The following RAD51B variants were observed in gnomAD, a reference collection of about 807,000 sequenced individuals.
RAD51B encodes RAD51 paralog B.
A neutral mutation model predicts 42.2 loss-of-function variants in RAD51B; 38 were observed. The observed-to-expected ratio is 0.90, with a 90% CI of 0.70 to 1.18. The LOEUF (loss-of-function observed/expected upper bound fraction) is 1.18, where lower values mean the gene tolerates loss of function less well. Ranked by LOEUF, RAD51B falls within the 50% of genes most tolerant of loss-of-function variation. The pLI, the probability that RAD51B is intolerant of heterozygous loss-of-function variation, is 0.00. For synonymous variants in RAD51B, 154 were observed against 145.2 expected, an observed-to-expected ratio of 1.06 and a Z score of -0.43; for missense variants, 373 against 400.7, an observed-to-expected ratio of 0.93 and a Z score of 0.59.
intron 7 of RAD51B, among the ~76,000 whole-genome samples, chr14:68,144,466 T>G (rs1333558707): frequency 6.6e-6 from 1 of 152,260 alleles, no homozygotes; most frequent in African/African-American, 2.4e-5. Context: ...TTGCACAGAC[T>G]GACTTTGTGG....
At chr14:68,234,327 G>C (rs111435637) in intron 7 of RAD51B, among the ~76,000 whole-genome samples, 1,977 of 152,314 alleles carry the variant, frequency 0.013, 46 homozygotes, top group African/African-American at 0.045. Context: ...CATTCAGGTG[G>C]AGAAGTCCAA....
At chr14:68,143,587 G>A (rs2078183037) in intron 7 of RAD51B, among the ~76,000 whole-genome samples, 1 of 152,146 alleles carries the variant, frequency 6.6e-6, no homozygotes, top group Admixed American at 6.5e-5. Context: ...CTTATTTTGA[G>A]CTCCCCCCAT....
intron 7 of RAD51B, among the ~76,000 whole-genome samples, chr14:68,229,343 T>C (rs1298686905): frequency 2.0e-5 from 3 of 152,230 alleles, no homozygotes; most frequent in Non-Finnish European, 4.4e-5. Context: ...CATGGAACTC[T>C]TGGCAATTAG....
intron 10 of RAD51B, among the ~76,000 whole-genome samples, chr14:68,608,232 C>T (rs1891531657): frequency 6.6e-6 from 1 of 152,246 alleles, no homozygotes; most frequent in African/African-American, 2.4e-5. Context: ...GAAGAGCAAA[C>T]AACTCCAAAC....
chr14:68,538,259 G>A (rs1333513988), intron 10 of RAD51B, among the ~76,000 whole-genome samples: 1 of 152,192 alleles, frequency 6.6e-6, no homozygotes, highest in African/African-American at 2.4e-5. Flanking sequence ...CAGCCAAGGG[G>A]AGGCTGTTTG....
At chr14:68,612,103 G>C (rs931045711), downstream of RAD51B, among the ~76,000 whole-genome samples, 1 of 152,184 alleles carries the variant, frequency 6.6e-6, no homozygotes, top group South Asian at 2.1e-4. Context: ...ACACAACTTG[G>C]GACAGAAAAA....
At chr14:68,320,070 T>C (rs9323505) in intron 8 of RAD51B, among the ~76,000 whole-genome samples, 22,928 of 152,222 alleles carry the variant, frequency 0.15, 2,472 homozygotes, top group African/African-American at 0.31. Flanking sequence ...ATTGTACTAC[T>C]GCATGTGATG....
intron 5 of RAD51B, among the ~76,000 whole-genome samples, chr14:67,879,073 C>T (rs2042822133): frequency 6.6e-6 from 1 of 152,056 alleles, no homozygotes; most frequent in Non-Finnish European, 1.5e-5. Context: ...ACCAGTAGAA[C>T]ATATATTAAG....
intron 10 of RAD51B, among the ~76,000 whole-genome samples, chr14:68,567,672 C>T (rs1053420025): frequency 1.3e-5 from 2 of 152,172 alleles, no homozygotes; most frequent in Non-Finnish European, 2.9e-5. Flanking sequence ...CTGTTTTCTA[C>T]CCCAGTCATC....
chr14:68,473,406 A>C (rs948874239), intron 10 of RAD51B, among the ~76,000 whole-genome samples: 1 of 152,188 alleles, frequency 6.6e-6, no homozygotes, highest in Non-Finnish European at 1.5e-5. Flanking sequence ...CCTGCCTCTT[A>C]GTGTGGGACC....
chr14:68,589,838 A>C (rs774224906), intron 10 of RAD51B, among the ~76,000 whole-genome samples: 3 of 152,194 alleles, frequency 2.0e-5, no homozygotes, highest in Non-Finnish European at 2.9e-5. Flanking sequence ...ACAGGGATAG[A>C]AAGGGCTTTT....
rs184075602 is a variant in RAD51B, at chr14:68,656,014, C to T, written c.*11+5158C>T. On this transcript the variant is annotated intron_variant, in intron 11 of 11. Coordinates refer to the RAD51B transcript ENST00000488612. ...CATTCATCCATCCATCTGATATCTG[C>T]TGAGGGCCTTCTAAGAGCCAGGCAT... Among the ~76,000 whole-genome samples the T allele has an allele frequency of 6.0e-3, 920 of 152,340 alleles. 10 individuals are homozygous for T. Among genetic ancestry groups the T allele is most frequent in the Middle Eastern group, 0.024 (7 of 294 alleles).
rs549007889 is a variant in RAD51B, at chr14:67,924,844, A to G, written c.756+37640A>G. Among the ~76,000 whole-genome samples, 6 of 152,148 alleles carry G rather than the reference A, an allele frequency of 3.9e-5. No homozygotes were observed. In the South Asian group the frequency reaches 8.3e-4, roughly 21 times the overall value. On this transcript the variant is annotated intron_variant, in intron 7 of 10. Coordinates refer to ENST00000471583, the MANE Select transcript of RAD51B (RefSeq NM_133510.4). ...TTCCCAAAAGTCCCCCAAAGTCTCA[A>G]CTCATTTCAGCATTAACTCAAAAGT...
At chr14:68,327,971 G>T (rs905854671) in intron 8 of RAD51B, among the ~76,000 whole-genome samples, 5 of 152,066 alleles carry the variant, frequency 3.3e-5, no homozygotes, top group Non-Finnish European at 5.9e-5. Context: ...ACTGTCAAAA[G>T]GTAGGTGATT....
intron 8 of RAD51B, among the ~76,000 whole-genome samples, chr14:68,344,430 G>A (rs187925788): frequency 1.3e-5 from 2 of 152,216 alleles, no homozygotes; most frequent in East Asian, 1.9e-4. Context: ...GGTGGATCAC[G>A]AGGTCAGGAG....
intron 10 of RAD51B, among the ~76,000 whole-genome samples, chr14:68,630,552 A>G (rs1306794485): frequency 1.3e-5 from 2 of 152,114 alleles, no homozygotes; most frequent in Non-Finnish European, 2.9e-5. Context: ...ACTTCAGCAC[A>G]TTTGTGATGC....
chr14:68,155,133 G>A (rs1262034209), intron 7 of RAD51B, among the ~76,000 whole-genome samples: 3 of 151,894 alleles, frequency 2.0e-5, no homozygotes, highest in Non-Finnish European at 4.4e-5. Context: ...TGTTGAACAT[G>A]TTATATAAAA....
intron 7 of RAD51B, among the ~76,000 whole-genome samples, chr14:68,240,246 G>A (rs2080353868): frequency 1.3e-5 from 2 of 152,204 alleles, no homozygotes; most frequent in South Asian, 2.1e-4. Flanking sequence ...TAATAAGTGC[G>A]ATGACTTAGA....
intron 7 of RAD51B, among the ~76,000 whole-genome samples, chr14:68,276,153 A>T (rs2139605280): frequency 6.6e-6 from 1 of 152,342 alleles, no homozygotes; most frequent in East Asian, 1.9e-4. Context: ...AATGACTTCC[A>T]GTATTCCAGA....
Sources: allele counts gnomAD v4.1 joint callset (sites outside exome capture counted in the v4.1 genomes callset), GRCh38; gene constraint gnomAD v4.1.1; transcripts MANE v1.5; gene names NCBI Gene and HGNC (gene_info 2026-07-23, HGNC 2026-07-21).